The following SAMD5 variants were observed in gnomAD, a reference collection of about 807,000 sequenced individuals.
SAMD5 encodes the protein sterile alpha motif domain containing 5.
Under a neutral mutation model 11.3 loss-of-function variants are expected in SAMD5, and 13 were observed. The observed-to-expected ratio is 1.15, with a 90% CI of 0.75 to 1.83. SAMD5 has a LOEUF of 1.83. Ranked by LOEUF, SAMD5 falls within the 40% of genes most tolerant of loss-of-function variation. The probability of loss-of-function intolerance (pLI) is 0.00; values close to 1 mark genes in which losing one functional copy is unlikely to be tolerated. For synonymous variants in SAMD5, 129 were observed against 111.3 expected (o/e 1.16, Z -1.00); for missense variants, 255 against 239.1 (o/e 1.07, Z -0.44).
chr6:147,843,117 G>T, the SAMD5 span, among the ~76,000 whole-genome samples: 8 of 152,090 alleles, frequency 5.3e-5, no homozygotes, highest in East Asian at 1.5e-3. Context: ...ACCCACCTCG[G>T]CCTCCCAAAG....
intron 1 of SAMD5, among the ~76,000 whole-genome samples, chr6:147,667,254 G>A (rs943074706): frequency 1.3e-5 from 2 of 152,032 alleles, no homozygotes; most frequent in African/African-American, 4.8e-5. Flanking sequence ...ATTAGGTAAG[G>A]TGTTATTGTT....
the SAMD5 span, among the ~76,000 whole-genome samples, chr6:147,783,285 A>G: frequency 6.6e-6 from 1 of 152,100 alleles, no homozygotes; most frequent in Non-Finnish European, 1.5e-5. Context: ...TAATGATAAT[A>G]ATATACGAGA....
chr6:147,618,029 A>G (rs1789897905), intron 1 of SAMD5, among the ~76,000 whole-genome samples: 1 of 152,230 alleles, frequency 6.6e-6, no homozygotes, highest in Non-Finnish European at 1.5e-5. Context: ...ATATTCAATA[A>G]ATTTCAGCTT....
intron 1 of SAMD5, among the ~76,000 whole-genome samples, chr6:147,549,012 C>A (rs915512973): frequency 1.3e-5 from 2 of 152,124 alleles, no homozygotes; most frequent in African/African-American, 2.4e-5. Flanking sequence ...CAAATTAAAT[C>A]TTTTCCCTTA....
chr6:147,641,624 G>A (rs1790313723), intron 1 of SAMD5, among the ~76,000 whole-genome samples: 1 of 142,806 alleles, frequency 7.0e-6, no homozygotes, highest in Non-Finnish European at 1.5e-5. Context: ...ATTCTCATAA[G>A]TTTTCAAAAT....
At chr6:147,634,193 GA>G (rs1790191264) in intron 1 of SAMD5, among the ~76,000 whole-genome samples, 1 of 152,172 alleles carries the variant, frequency 6.6e-6, no homozygotes, top group African/African-American at 2.4e-5. Context: ...AACGTATAAA[GA>G]AAAGAGGTTT....
intron 1 of SAMD5, among the ~76,000 whole-genome samples, chr6:147,647,760 C>T (rs1187268896): frequency 6.6e-6 from 1 of 152,116 alleles, no homozygotes; most frequent in African/African-American, 2.4e-5. Context: ...ATATCAGCAC[C>T]CTTCAGAATT....
rs9497809 is a variant in SAMD5 at position 147,580,924 on chromosome 6, C to T, written c.162+71537C>T. Among the ~76,000 whole-genome samples, 11 of 152,166 alleles carry T rather than the reference C, an allele frequency of 7.2e-5. No homozygotes were observed. In the East Asian group the frequency reaches 7.7e-4, roughly 11 times the overall value. ...GTCATAGCAGCAGCCAGGAAAGAGA[C>T]GCTATGTTGGGGGTAAAGCTCTGAG... On this transcript the variant is annotated intron_variant, in intron 1 of 1. Coordinates refer to the SAMD5 transcript ENST00000566741.
chr6:147,569,559 T>C lies in SAMD5; in HGVS notation c.*5103T>C. On this transcript the variant is annotated 3_prime_UTR_variant, in exon 2 of 2. Coordinates refer to ENST00000367474, the MANE Select transcript of SAMD5 (RefSeq NM_001030060.3). Reference sequence around the variant, plus strand: ...ACCCTTAATTAGATGAATTATCCCTTATCATTCCAAAAATGAAATGCTGTG... The same window carrying C: ...ACCCTTAATTAGATGAATTATCCCTCATCATTCCAAAAATGAAATGCTGTG... 1 of 944,158 alleles carries C rather than the reference T, an allele frequency of 1.1e-6. No individual in the cohort carries two copies. The highest frequency in any genetic ancestry group is 1.2e-4 in the East Asian group (1 of 8,604). The allele number at this position is 944,158 out of a possible 1,614,324, so 58.5% of individuals were successfully genotyped here.
the SAMD5 span, among the ~76,000 whole-genome samples, chr6:147,781,449 A>G: frequency 6.6e-6 from 1 of 152,282 alleles, no homozygotes; most frequent in African/African-American, 2.4e-5. Context: ...ATCTAGGTAC[A>G]TCATTTGAAA....
chr6:147,759,911 T>G, the SAMD5 span, among the ~76,000 whole-genome samples: 1 of 152,206 alleles, frequency 6.6e-6, no homozygotes, highest in African/African-American at 2.4e-5. Flanking sequence ...TTAAAGCACA[T>G]GCTTCCTGAA....
At chr6:147,694,738 A>G (rs1263511096) in intron 1 of SAMD5, among the ~76,000 whole-genome samples, 2 of 151,714 alleles carry the variant, frequency 1.3e-5, no homozygotes, top group Non-Finnish European at 2.9e-5. Flanking sequence ...GATTGCTTGA[A>G]CCCCACAGGT....
chr6:147,895,841 C>A, the SAMD5 span, among the ~76,000 whole-genome samples: 1 of 152,174 alleles, frequency 6.6e-6, no homozygotes, highest in South Asian at 2.1e-4. Flanking sequence ...GACAGAGACA[C>A]TGTACCAAAT....
In SAMD5 at chr6:147,567,568, G is replaced by T; in HGVS notation, c.*3112G>T. ...TAAATACCTCTATAGCTCTTAAGAGGCTTAAGAGTTCTATGGCTTACACCC... is the reference window on the plus strand; with the variant it reads ...TAAATACCTCTATAGCTCTTAAGAGTCTTAAGAGTTCTATGGCTTACACCC... On this transcript the variant is annotated 3_prime_UTR_variant, in exon 2 of 2. Coordinates refer to ENST00000367474, the MANE Select transcript of SAMD5 (RefSeq NM_001030060.3). 5.7e-6 allele frequency: 5 copies of T among 880,916 alleles called. No individual in the cohort carries two copies. Among genetic ancestry groups the T allele is most frequent in the Non-Finnish European group, 6.8e-6 (5 of 734,728 alleles). 54.6% of individuals were successfully genotyped at this position (880,916 alleles called of 1,614,324 possible). A position where few individuals can be genotyped will look rare whatever the true frequency, so the allele number is the denominator to read the frequency against.
At chr6:147,651,114 T>A (rs2128453381) in intron 1 of SAMD5, among the ~76,000 whole-genome samples, 1 of 152,334 alleles carries the variant, frequency 6.6e-6, no homozygotes, top group Non-Finnish European at 1.5e-5. Flanking sequence ...ACGCCACTAT[T>A]CAGAATGTAT....
the SAMD5 span, among the ~76,000 whole-genome samples, chr6:147,930,301 A>G: frequency 6.6e-6 from 1 of 152,046 alleles, no homozygotes; most frequent in Admixed American, 6.6e-5. Context: ...ACTTTCCTTC[A>G]TCTTTCTGTC....
the SAMD5 span, among the ~76,000 whole-genome samples, chr6:147,882,955 C>T: frequency 6.6e-6 from 1 of 152,148 alleles, no homozygotes; most frequent in South Asian, 2.1e-4. Flanking sequence ...ATTTGGATCT[C>T]TTTCAATTTC....
intron 1 of SAMD5, among the ~76,000 whole-genome samples, chr6:147,618,047 A>C (rs1333955687): frequency 6.6e-6 from 1 of 152,188 alleles, no homozygotes; most frequent in African/African-American, 2.4e-5. Flanking sequence ...CTTAGAATAT[A>C]CTCCAACAGG....
At chr6:147,883,921 A>G in the SAMD5 span, among the ~76,000 whole-genome samples, 3 of 152,334 alleles carry the variant, frequency 2.0e-5, no homozygotes, top group Non-Finnish European at 4.4e-5. Context: ...CCCTAAATTA[A>G]TGAAAGGTTA....
Sources: allele counts gnomAD v4.1 joint callset (sites outside exome capture counted in the v4.1 genomes callset), GRCh38; gene constraint gnomAD v4.1.1; transcripts MANE v1.5; gene names NCBI Gene and HGNC (gene_info 2026-07-23, HGNC 2026-07-21).